FCHSD2: variants seen among roughly 807,000 people sequenced by gnomAD.
FCHSD2 encodes the protein F-BAR and double SH3 domains protein 2.
FCHSD2 carries 38 observed loss-of-function variants against 108.1 expected under a neutral mutation model. The ratio of observed to expected loss-of-function variants is 0.35; its 90% confidence interval spans 0.27 to 0.46. The LOEUF (loss-of-function observed/expected upper bound fraction) is 0.46. Among genes scored for constraint, FCHSD2 ranks in the 20% least tolerant of loss-of-function variants. The probability of loss-of-function intolerance (pLI) is 1.00; values close to 1 mark genes in which losing one functional copy is unlikely to be tolerated. For missense variants in FCHSD2, 751 were observed against 897.8 expected (o/e 0.84, Z 2.09); for synonymous variants, 279 against 314.7 (o/e 0.89, Z 1.20).
chr11:72,921,743 A>C, intron 9 of FCHSD2, 85 bp downstream of exon 9: 2 of 1,108,488 alleles, frequency 1.8e-6, no homozygotes, highest in Non-Finnish European at 2.7e-6. Context: ...TTCTAATATC[A>C]CTAGTACCTT....
At chr11:72,945,490 C>A (rs1203209698) in intron 8 of FCHSD2, among the ~76,000 whole-genome samples, 1 of 152,144 alleles carries the variant, frequency 6.6e-6, no homozygotes, top group African/African-American at 2.4e-5. Flanking sequence ...TAGGCATGGG[C>A]AAGGACTTCA....
intron 3 of FCHSD2, among the ~76,000 whole-genome samples, chr11:73,063,887 A>G (rs958602627): frequency 6.6e-6 from 1 of 152,174 alleles, no homozygotes; most frequent in Admixed American, 6.5e-5. Flanking sequence ...TTAATGAGAC[A>G]GAAAATTAAC....
intron 2 of FCHSD2, among the ~76,000 whole-genome samples, chr11:73,108,537 G>A (rs1042547865): frequency 7.0e-6 from 1 of 142,642 alleles, no homozygotes; most frequent in Non-Finnish European, 1.5e-5. Flanking sequence ...CATAGATTGA[G>A]ATTTTAGATT....
At chr11:72,840,849 CG>C in intron 19 of FCHSD2, 27 bp downstream of exon 19, 1 of 1,522,080 alleles carries the variant, frequency 6.6e-7, no homozygotes, top group Non-Finnish European at 9.1e-7. Context: ...ACTATGCATT[CG>C]ATAATCCTGC....
At chr11:72,951,476 C>T (rs935648727) in intron 8 of FCHSD2, among the ~76,000 whole-genome samples, 1 of 152,184 alleles carries the variant, frequency 6.6e-6, no homozygotes, top group Admixed American at 6.5e-5. Context: ...GCACTTACTA[C>T]AAGGCTTGGC....
In FCHSD2 at chr11:72,887,504, A is replaced by G; in HGVS notation, c.1112T>C (p.Ile371Thr). 2 of 1,606,334 alleles carry G rather than the reference A, an allele frequency of 1.2e-6. No individual in the cohort carries two copies. Among genetic ancestry groups the G allele is most frequent in the Non-Finnish European group, 1.7e-6 (2 of 1,176,976 alleles). ...ACGAATATTTTCTCTAGCTTCATCT[A>G]TTTTCTGTTCTAGCTCTGCTCGGCT... ...EQSRAELEQKIDEARENIRKA... is the reference protein window; with the variant it reads ...EQSRAELEQKTDEARENIRKA... Residue 371 changes from isoleucine (I) to threonine (T), a missense_variant, in exon 12 of 20, where the codon ATA (isoleucine) becomes ACA (threonine). Coordinates refer to ENST00000409418, the MANE Select transcript of FCHSD2 (RefSeq NM_014824.3).
intron 2 of FCHSD2, among the ~76,000 whole-genome samples, chr11:73,135,959 T>C (rs1357875258): frequency 2.0e-5 from 3 of 151,940 alleles, no homozygotes; most frequent in Admixed American, 2.0e-4. Context: ...GCCCAGGAGT[T>C]CAAGACGAGC....
At chr11:72,845,287 GGCACGT>G (rs1861091658) in intron 14 of FCHSD2, among the ~76,000 whole-genome samples, 1 of 151,786 alleles carries the variant, frequency 6.6e-6, no homozygotes. Flanking sequence ...TGGGTGTGGT[GGCACGT>G]GCCTGTAATC....
intron 2 of FCHSD2, among the ~76,000 whole-genome samples, chr11:73,097,918 C>T (rs930784815): frequency 1.3e-5 from 2 of 152,172 alleles, no homozygotes; most frequent in African/African-American, 4.8e-5. Context: ...AAGCGATCCT[C>T]CTGCCTCGGC....
chr11:73,079,641 T>C (rs889899452), intron 3 of FCHSD2, among the ~76,000 whole-genome samples: 1 of 152,192 alleles, frequency 6.6e-6, no homozygotes, highest in African/African-American at 2.4e-5. Context: ...GAGGTTTCTC[T>C]ACTATTGACA....
At chr11:73,090,372 C>T (rs929863699) in intron 2 of FCHSD2, among the ~76,000 whole-genome samples, 1 of 151,626 alleles carries the variant, frequency 6.6e-6, no homozygotes. Flanking sequence ...ACTACAGACG[C>T]CCGCCACTAC....
chr11:73,034,950 C>T (rs1029636044), intron 3 of FCHSD2, among the ~76,000 whole-genome samples: 1 of 152,104 alleles, frequency 6.6e-6, no homozygotes, highest in African/African-American at 2.4e-5. Context: ...AGCTAAAGTA[C>T]TATAGGATAA....
chr11:73,054,004 G>T (rs889035329), intron 3 of FCHSD2, among the ~76,000 whole-genome samples: 3 of 152,116 alleles, frequency 2.0e-5, no homozygotes, highest in African/African-American at 7.2e-5. Flanking sequence ...AAGGGAAAAG[G>T]GGGGAAGAGT....
At chr11:73,039,776 T>C (rs1158464944) in intron 3 of FCHSD2, among the ~76,000 whole-genome samples, 1 of 152,216 alleles carries the variant, frequency 6.6e-6, no homozygotes, top group Non-Finnish European at 1.5e-5. Context: ...GTCTTCTTTT[T>C]TGATGACTTT....
At chr11:72,840,358 C>T (rs148027442) in intron 19 of FCHSD2, among the ~76,000 whole-genome samples, 103 of 152,188 alleles carry the variant, frequency 6.8e-4, no homozygotes, top group African/African-American at 2.3e-3. Context: ...GCAAAGTATC[C>T]GACTGGATTA....
At chr11:73,078,304 C>A (rs1459151367) in intron 3 of FCHSD2, among the ~76,000 whole-genome samples, 2 of 152,114 alleles carry the variant, frequency 1.3e-5, no homozygotes, top group Non-Finnish European at 2.9e-5. Context: ...GTAGAACATA[C>A]CACATGCCCG....
intron 8 of FCHSD2, among the ~76,000 whole-genome samples, chr11:72,930,857 A>G (rs1182483349): frequency 1.3e-5 from 2 of 152,202 alleles, no homozygotes; most frequent in Admixed American, 1.3e-4. Context: ...AAAAAATAGA[A>G]TAAGACCTAC....
At chr11:72,889,572 G>A (rs1163915999) in intron 11 of FCHSD2, among the ~76,000 whole-genome samples, 1 of 152,128 alleles carries the variant, frequency 6.6e-6, no homozygotes, top group Non-Finnish European at 1.5e-5. Flanking sequence ...ATTTAGCCAG[G>A]CATAGTGGCA....
chr11:72,883,701 G>T (rs951393221), intron 12 of FCHSD2, among the ~76,000 whole-genome samples: 1 of 152,126 alleles, frequency 6.6e-6, no homozygotes, highest in Non-Finnish European at 1.5e-5. Flanking sequence ...GGCGGCCAAG[G>T]CAGGCAGATT....
Sources: gnomAD v4.1 joint callset for allele counts (sites outside exome capture counted in the v4.1 genomes callset) on GRCh38, gnomAD v4.1.1 for gene constraint, MANE v1.5 for transcripts, NCBI Gene and HGNC (gene_info 2026-07-23, HGNC 2026-07-21) for gene names.